Variants in THADA observed in about 807,000 individuals in gnomAD.
THADA encodes THADA armadillo repeat containing.
THADA carries 213 observed loss-of-function variants against 219.8 expected under a neutral mutation model. The observed-to-expected ratio is 0.97, with a 90% confidence interval of 0.87 to 1.09. The LOEUF is 1.09. Ranked by LOEUF, THADA falls within the 50% of genes least tolerant of loss-of-function variation. THADA has a pLI of 0.00. For synonymous variants in THADA, 1,018 were observed against 828.9 expected (o/e 1.23, Z -3.92); for missense variants, 2,956 against 2,311.3 (o/e 1.28, Z -5.72).
intron 29 of THADA, among the ~76,000 whole-genome samples, chr2:43,391,156 ACACATACAT>A (rs2104692327): frequency 6.6e-6 from 1 of 152,280 alleles, no homozygotes; most frequent in Non-Finnish European, 1.5e-5. Context: ...TCACACTCAC[ACACATACAT>A]CACATACACA....
At chr2:43,341,607 G>A (rs1667070276) in intron 30 of THADA, among the ~76,000 whole-genome samples, 2 of 152,158 alleles carry the variant, frequency 1.3e-5, no homozygotes, top group African/African-American at 2.4e-5. Flanking sequence ...GACTTTCTAC[G>A]AGATGCATGA....
At chr2:43,414,218 T>G (rs1170135805) in intron 28 of THADA, among the ~76,000 whole-genome samples, 1 of 152,266 alleles carries the variant, frequency 6.6e-6, no homozygotes, top group Non-Finnish European at 1.5e-5. Flanking sequence ...AAGTAATATT[T>G]ACTTTTGTTG....
At chr2:43,592,252 G>T in intron 2 of THADA, 65 bp downstream of exon 2, 1 of 1,206,706 alleles carries the variant, frequency 8.3e-7, no homozygotes, top group Non-Finnish European at 1.2e-6. Context: ...AGGGGTCCCA[G>T]TCATTAAAAT....
At chr2:43,590,801 A>C (rs373287825) in intron 4 of THADA, 23 bp downstream of exon 4, 10 of 1,604,550 alleles carry the variant, frequency 6.2e-6, no homozygotes, top group Non-Finnish European at 8.5e-6. Flanking sequence ...ATAACACCCA[A>C]CTTCCCTTCC....
rs762684727 is a variant in THADA, at chr2:43,485,322, G to A, written c.3748C>T (p.Arg1250Ter). Reference protein sequence around the residue: ...LGFTSPVWAVRNSSTLLFSAL... With the variant: ...LGFTSPVWAV Reference sequence around the variant, plus strand: ...CTAAAGAGAAGTGTGGATGAATTTCGCACCTAATGTACAAACGAAAACACA... The same window carrying A: ...CTAAAGAGAAGTGTGGATGAATTTCACACCTAATGTACAAACGAAAACACA... The change falls in exon 26 of 38, where the codon CGA becomes TGA. Residue 1250 changes from arginine (R) to a stop codon, truncating the protein, a stop_gained. Transcript: ENST00000405975. LOFTEE classifies it high-confidence loss of function. The A allele has an allele frequency of 1.8e-5, 29 of 1,610,690 alleles. No homozygotes were observed. Among genetic ancestry groups the A allele is most frequent in the Non-Finnish European group, 2.3e-5 (27 of 1,178,008 alleles).
chr2:43,431,825 C>T (rs1357462414), intron 26 of THADA, among the ~76,000 whole-genome samples: 7 of 49,542 alleles, frequency 1.4e-4, no homozygotes, highest in Non-Finnish European at 2.1e-4. Flanking sequence ...CCACCACGCC[C>T]GGATAATTTT....
intron 36 of THADA, among the ~76,000 whole-genome samples, chr2:43,266,747 GAC>G (rs1239932392): frequency 6.6e-6 from 1 of 152,186 alleles, no homozygotes; most frequent in East Asian, 1.9e-4. Flanking sequence ...CTCAAGGAGA[GAC>G]ACAAAGACTG....
intron 26 of THADA, among the ~76,000 whole-genome samples, chr2:43,457,267 A>C (rs138958273): frequency 2.6e-5 from 4 of 152,112 alleles, no homozygotes; most frequent in Non-Finnish European, 5.9e-5. Flanking sequence ...ACACATAATA[A>C]GATACCAATA....
At chr2:43,384,858 G>A (rs1382480962) in intron 29 of THADA, among the ~76,000 whole-genome samples, 1 of 152,168 alleles carries the variant, frequency 6.6e-6, no homozygotes, top group African/African-American at 2.4e-5. Flanking sequence ...ACAATTTGGA[G>A]GCCAGGTGCA....
Sources: gnomAD v4.1 joint callset for allele counts (sites outside exome capture counted in the v4.1 genomes callset) on GRCh38, gnomAD v4.1.1 for gene constraint, MANE v1.5 for transcripts, NCBI Gene and HGNC (gene_info 2026-07-23, HGNC 2026-07-21) for gene names.